RAC2: variants seen among roughly 807,000 people sequenced by gnomAD.
RAC2 encodes Rac family small GTPase 2.
RAC2 carries 1 observed loss-of-function variant against 24.0 expected under a neutral mutation model. That is an observed-to-expected ratio of 0.04 (90% CI 0.01 to 0.20). The LOEUF (loss-of-function observed/expected upper bound fraction) is 0.20, where lower values mean the gene tolerates loss of function less well. Ranked by LOEUF, RAC2 falls within the 10% of genes least tolerant of loss-of-function variation. The pLI is 1.00. For missense variants in RAC2, 130 were observed against 259.1 expected, an observed-to-expected ratio of 0.50 and a Z score of 3.42; for synonymous variants, 114 against 106.8, an observed-to-expected ratio of 1.07 and a Z score of -0.41.
intron 1 of RAC2, among the ~76,000 whole-genome samples, chr22:37,242,000 G>A (rs905309371): frequency 2.0e-5 from 3 of 152,302 alleles, no homozygotes; most frequent in East Asian, 3.9e-4. Context: ...AGGGGCCCCC[G>A]ACGCCTGACC....
intron 1 of RAC2, among the ~76,000 whole-genome samples, chr22:37,242,590 C>T (rs1419419039): frequency 6.6e-6 from 1 of 152,196 alleles, no homozygotes; most frequent in East Asian, 1.9e-4. Context: ...ACAGCTCATC[C>T]TCTCCTCCTA....
rs1927075605 is a variant in RAC2 at position 37,231,911 on chromosome 22, G to A, written c.288+21C>T. The A allele has an allele frequency of 1.3e-6, 2 of 1,551,424 alleles. No individual in the cohort carries two copies. Among genetic ancestry groups the A allele is most frequent in the Non-Finnish European group, 1.7e-6 (2 of 1,146,850 alleles). On this transcript the variant is annotated intron_variant, in intron 4 of 6. Coordinates refer to ENST00000249071, the MANE Select transcript of RAC2 (RefSeq NM_002872.5). This position sits in a 1 kb window ranked among gnomAD's most constrained non-coding sequence, Gnocchi z 5.5. ...GGGTTACCTGCCCCAGAGCCCCCAA[G>A]GCCCACCCTGTCCAGCTCACCTTGG...
chr22:37,228,933 T>G (rs1424090147), intron 5 of RAC2, among the ~76,000 whole-genome samples: 2 of 152,194 alleles, frequency 1.3e-5, no homozygotes, highest in East Asian at 3.8e-4. Context: ...GTCATGGGGC[T>G]TGGCTGGCAA....
In RAC2 at chr22:37,226,745, G is replaced by C. The variant is rs150782757; in HGVS notation, c.507C>G (p.Phe169Leu). The change falls in exon 6 of 7, where the codon TTC becomes TTG. Residue 169 changes from phenylalanine to leucine, a missense_variant. Phe to Leu is a conservative substitution (Grantham distance 22). Around this residue, in one of 2 missense-constraint regions of RAC2, gnomAD observed 119 missense variants for 192.1 expected, o/e 0.62. Transcript: ENST00000249071. ...ACAGCACGGCCCGGATGGCCTCGTC[G>C]AACACGGTTTTCAGGCCTCTCTGGG... Reference protein sequence around the residue: ...ALTQRGLKTVFDEAIRAVLCP... With the variant: ...ALTQRGLKTVLDEAIRAVLCP... 4.3e-6 allele frequency: 7 copies of C among 1,613,098 alleles called. No homozygotes were observed. Among genetic ancestry groups the C allele is most frequent in the African/African-American group, 1.3e-5 (1 of 74,904 alleles).
At position 37,231,962 on chromosome 22, in the gene RAC2, G is replaced by A; in HGVS notation, c.258C>T (p.Ser86=). The change falls in exon 4 of 7, where the codon AGC becomes AGT. Residue 86 remains serine, a synonymous_variant. Coordinates refer to ENST00000249071, the MANE Select transcript of RAC2 (RefSeq NM_002872.5). This position sits in a 1 kb window ranked among gnomAD's most constrained non-coding sequence, Gnocchi z 5.5. The part of the protein sequence containing the change: ...DVFLICFSLV[S]PASYENVRAK... ...CGCGGACGTTCTCATAAGAGGCTGGGCTGACGAGGGAGAAGCAGATGAGGA... is the reference window on the plus strand; with the variant it reads ...CGCGGACGTTCTCATAAGAGGCTGGACTGACGAGGGAGAAGCAGATGAGGA... The A allele has an allele frequency of 6.4e-7, 1 of 1,552,364 alleles. No individual in the cohort carries two copies. Among genetic ancestry groups the A allele is most frequent in the Middle Eastern group, 1.7e-4 (1 of 5,990 alleles).
rs956083102 is a variant in RAC2, at chr22:37,231,796, C to A, written c.288+136G>T. 1.5e-5 allele frequency: 15 copies of A among 1,032,394 alleles called. No homozygotes were observed. Among genetic ancestry groups the A allele is most frequent in the Middle Eastern group, 2.9e-4 (1 of 3,440 alleles). The allele number at this position is 1,032,394 out of a possible 1,614,324, so 64.0% of individuals were successfully genotyped here. On this transcript the variant is annotated intron_variant, in intron 4 of 6. Transcript: ENST00000249071. The surrounding 1 kb of genome is among the most constrained non-coding windows in gnomAD (Gnocchi z 5.5). Reference sequence around the variant, plus strand: ...TTACCCCCTCAAGTCCCTCTGCCAGCCCTGGTTGGCACTGGGGACCCTCTC... The same window carrying A: ...TTACCCCCTCAAGTCCCTCTGCCAGACCTGGTTGGCACTGGGGACCCTCTC...
Position 37,241,572 on chromosome 22 carries a change from TC to T in RAC2, c.107+14del. ...TCCCCTCCTCCCACCACCCCACATATCCCCAGGAACTCACACGGTGGGGATG... is the reference window on the plus strand; with the variant it reads ...TCCCCTCCTCCCACCACCCCACATATCCCAGGAACTCACACGGTGGGGATG... On this transcript the variant is annotated intron_variant, in intron 2 of 6. Coordinates refer to ENST00000249071, the MANE Select transcript of RAC2 (RefSeq NM_002872.5). 6.2e-7 allele frequency: 1 copy of T among 1,607,680 alleles called. No individual in the cohort carries two copies. The highest frequency in any genetic ancestry group is 8.5e-7 in the Non-Finnish European group (1 of 1,174,400).
chr22:37,233,042 G>T, intron 2 of RAC2, 124 bp from the exon 3 acceptor site: 1 of 737,060 alleles, frequency 1.4e-6, no homozygotes, highest in South Asian at 1.4e-5. Context: ...CTGGCCCAAA[G>T]TCACACAGCA....
intron 2 of RAC2, among the ~76,000 whole-genome samples, chr22:37,237,054 T>C (rs1569091278): frequency 6.6e-6 from 1 of 151,944 alleles, no homozygotes; most frequent in East Asian, 1.9e-4. Flanking sequence ...CTGGGTGTGG[T>C]GGTGCATGCC....
Position 37,226,817 on chromosome 22 carries a change from T to C in RAC2, c.449-14A>G. 6.2e-7 allele frequency: 1 copy of C among 1,610,562 alleles called. No individual in the cohort carries two copies. Among genetic ancestry groups the C allele is most frequent in the Non-Finnish European group, 8.5e-7 (1 of 1,179,060 alleles). On this transcript the variant is annotated splice_polypyrimidine_tract_variant and intron_variant, in intron 5 of 6. Transcript: ENST00000249071. ...ATTTCACCGAGTCTGGTTGGGGAGATGGACAGGAGAGCCAAGGCCTAAGTG... is the reference window on the plus strand; with the variant it reads ...ATTTCACCGAGTCTGGTTGGGGAGACGGACAGGAGAGCCAAGGCCTAAGTG...
At chr22:37,243,090 C>A (rs1447967738) in intron 1 of RAC2, among the ~76,000 whole-genome samples, 2 of 152,174 alleles carry the variant, frequency 1.3e-5, no homozygotes, top group Non-Finnish European at 2.9e-5. Flanking sequence ...CCTCAAACTC[C>A]CGGGCTCAGG....
chr22:37,235,647 G>A (rs1362037539), intron 2 of RAC2, among the ~76,000 whole-genome samples: 1 of 152,200 alleles, frequency 6.6e-6, no homozygotes, highest in Middle Eastern at 3.2e-3. Context: ...GGGATTTCAG[G>A]AAGAAGGCGC....
intron 2 of RAC2, chr22:37,240,900 G>T: frequency 1.6e-6 from 1 of 644,880 alleles, no homozygotes; most frequent in South Asian, 1.8e-5. Context: ...CGAACAGTAG[G>T]GTCCGGAGGA....
intron 2 of RAC2, among the ~76,000 whole-genome samples, chr22:37,236,308 T>C (rs1927220128): frequency 6.6e-6 from 1 of 152,206 alleles, no homozygotes. Context: ...TGCAGGAATG[T>C]GTCAATGGTG....
In RAC2 at chr22:37,231,433, A is replaced by T; in HGVS notation, c.289-43T>A. On this transcript the variant is annotated intron_variant, in intron 4 of 6. Coordinates refer to ENST00000249071, the MANE Select transcript of RAC2 (RefSeq NM_002872.5). This position sits in a 1 kb window ranked among gnomAD's most constrained non-coding sequence, Gnocchi z 5.5. ...GGGACACAAGGTTGTATGGGTCAAG[A>T]GGGGGCGCGAGGCTGTGCGGGGATC... The T allele has an allele frequency of 1.3e-6, 2 of 1,588,338 alleles. No homozygotes were observed. Among genetic ancestry groups the T allele is most frequent in the Non-Finnish European group, 1.7e-6 (2 of 1,159,526 alleles).
intron 3 of RAC2, 77 bp from the exon 4 acceptor site, chr22:37,232,071 GC>G: frequency 6.9e-7 from 1 of 1,444,706 alleles, no homozygotes; most frequent in Non-Finnish European, 9.5e-7. Flanking sequence ...GAGAGGTGGA[GC>G]TTGGGGCTCC....
intron 2 of RAC2, among the ~76,000 whole-genome samples, chr22:37,240,428 T>A (rs1927353056): frequency 6.6e-6 from 1 of 152,228 alleles, no homozygotes; most frequent in South Asian, 2.1e-4. Flanking sequence ...TGCATGCTAA[T>A]AGCCATCTCC....
Position 37,241,583 on chromosome 22 carries a change from T to A in RAC2, c.107+4A>T. 6.2e-7 allele frequency: 1 copy of A among 1,611,872 alleles called. No homozygotes were observed. The highest frequency in any genetic ancestry group is 8.5e-7 in the Non-Finnish European group (1 of 1,177,974). ...CACCACCCCACATATCCCCAGGAACTCACACGGTGGGGATGTACTCTCCGG... is the reference window on the plus strand; with the variant it reads ...CACCACCCCACATATCCCCAGGAACACACACGGTGGGGATGTACTCTCCGG... On this transcript the variant is annotated splice_donor_region_variant and intron_variant, in intron 2 of 6. Coordinates refer to ENST00000249071, the MANE Select transcript of RAC2 (RefSeq NM_002872.5).
intron 5 of RAC2, among the ~76,000 whole-genome samples, chr22:37,229,132 G>A (rs1366076057): frequency 6.6e-6 from 1 of 152,218 alleles, no homozygotes; most frequent in African/African-American, 2.4e-5. Context: ...GTCCTGAGCT[G>A]GGGGGCCAGG....
Sources: gnomAD v4.1 joint callset for allele counts (sites outside exome capture counted in the v4.1 genomes callset) on GRCh38, gnomAD v4.1.1 for gene constraint, gnomAD v4.1.1 regional missense constraint, Gnocchi (gnomAD v3.1) non-coding constraint, MANE v1.5 for transcripts, NCBI Gene and HGNC (gene_info 2026-07-23, HGNC 2026-07-21) for gene names.